The following KALRN variants were observed in gnomAD, a reference collection of about 807,000 sequenced individuals.
KALRN encodes the protein kalirin RhoGEF kinase.
A neutral mutation model predicts 353.7 loss-of-function variants in KALRN; 70 were observed. The ratio of observed to expected loss-of-function variants is 0.20; its 90% CI spans 0.16 to 0.24. The LOEUF is 0.24. Ranked by LOEUF, KALRN falls within the 10% of genes least tolerant of loss-of-function variation. The pLI is 1.00. For synonymous variants in KALRN, 1,391 were observed against 1,434.8 expected, an observed-to-expected ratio of 0.97 and a Z score of 0.69; for missense variants, 2,791 against 3,756.7, an observed-to-expected ratio of 0.74 and a Z score of 6.72.
Position 124,511,877 on chromosome 3 carries a change from C to T in KALRN, c.4935+15464C>T, listed in dbSNP as rs116520869. On this transcript the variant is annotated intron_variant, in intron 33 of 59. Transcript: ENST00000682506. ...TTAGAGTGATTACTGGAATCCCATC[C>T]CTCAGCATTTTGTGAGACTGTATCT... Among the ~76,000 whole-genome samples, 963 of 152,260 alleles carry T rather than the reference C, an allele frequency of 6.3e-3. 7 individuals are homozygous for T. The highest frequency in any genetic ancestry group is 0.021 in the African/African-American group (892 of 41,548).
At chr3:124,390,872 C>T (rs1476297701) in intron 11 of KALRN, among the ~76,000 whole-genome samples, 2 of 152,084 alleles carry the variant, frequency 1.3e-5, no homozygotes, top group South Asian at 2.1e-4. Flanking sequence ...CTCCTTCCTT[C>T]CTGTCTTTTT....
At chr3:124,408,276 G>A (rs555149142) in intron 13 of KALRN, among the ~76,000 whole-genome samples, 84 of 152,188 alleles carry the variant, frequency 5.5e-4, no homozygotes, top group African/African-American at 2.0e-3. Context: ...TTTTGTTTTT[G>A]TTTTAGAAGA....
intron 1 of KALRN, among the ~76,000 whole-genome samples, chr3:124,065,272 A>G (rs1023052225): frequency 6.6e-6 from 1 of 152,184 alleles, no homozygotes; most frequent in Non-Finnish European, 1.5e-5. Flanking sequence ...CACTGCAACA[A>G]TTTTAGCAAG....
intron 10 of KALRN, among the ~76,000 whole-genome samples, chr3:124,349,544 T>C (rs1482902307): frequency 6.6e-6 from 1 of 152,144 alleles, no homozygotes; most frequent in African/African-American, 2.4e-5. Context: ...AGCCAAAAGA[T>C]TGGACACCCC....
At chr3:124,678,681 A>C in intron 50 of KALRN, 1 of 170,976 alleles carries the variant, frequency 5.8e-6, no homozygotes, top group Non-Finnish European at 1.3e-5. Context: ...GGGTAAAGCA[A>C]TTAGGGATGC....
chr3:124,664,873 A>G (rs1052905524), intron 45 of KALRN, among the ~76,000 whole-genome samples: 3 of 152,156 alleles, frequency 2.0e-5, no homozygotes, highest in Non-Finnish European at 4.4e-5. Context: ...CCTCTTTTAA[A>G]TTCCTCCCCA....
At chr3:124,238,427 A>T (rs544263900) in intron 3 of KALRN, among the ~76,000 whole-genome samples, 13 of 152,158 alleles carry the variant, frequency 8.5e-5, no homozygotes, top group Non-Finnish European at 1.6e-4. Context: ...TGGAGACCAG[A>T]TGACCCTCTG....
chr3:124,598,142 C>G (rs2076440834), intron 34 of KALRN, among the ~76,000 whole-genome samples: 1 of 152,220 alleles, frequency 6.6e-6, no homozygotes, highest in South Asian at 2.1e-4. Flanking sequence ...CCACTTGTTT[C>G]TGGTATTTAC....
chr3:124,639,595 G>A (rs1204313243), intron 37 of KALRN, among the ~76,000 whole-genome samples: 3 of 152,068 alleles, frequency 2.0e-5, no homozygotes, highest in Admixed American at 6.5e-5. Context: ...TTGTGTGATC[G>A]ATGGTGTTAA....
intron 33 of KALRN, among the ~76,000 whole-genome samples, chr3:124,521,934 C>T (rs1236738165): frequency 6.6e-6 from 1 of 152,114 alleles, no homozygotes; most frequent in Non-Finnish European, 1.5e-5. Context: ...GCTAGGGACA[C>T]AGCAGTGAAC....
intron 10 of KALRN, among the ~76,000 whole-genome samples, chr3:124,368,233 C>A (rs1382392294): frequency 7.3e-6 from 1 of 137,500 alleles, no homozygotes; most frequent in Admixed American, 7.0e-5. Flanking sequence ...GCTGGCCAGG[C>A]GGGGGGCTGA....
At chr3:124,124,136 G>A (rs1218338717) in intron 1 of KALRN, among the ~76,000 whole-genome samples, 1 of 152,194 alleles carries the variant, frequency 6.6e-6, no homozygotes, top group Non-Finnish European at 1.5e-5. Flanking sequence ...GAAAACCTGA[G>A]AAGGATTCAT....
chr3:124,475,145 C>G (rs762729880), intron 26 of KALRN, among the ~76,000 whole-genome samples: 1 of 152,158 alleles, frequency 6.6e-6, no homozygotes, highest in Non-Finnish European at 1.5e-5. Context: ...TATTTTGATA[C>G]AGGCATGCAG....
intron 33 of KALRN, among the ~76,000 whole-genome samples, chr3:124,513,995 T>G (rs1224436060): frequency 6.6e-6 from 1 of 152,196 alleles, no homozygotes; most frequent in Non-Finnish European, 1.5e-5. Flanking sequence ...CAGAGTAGGA[T>G]GCATGATAAA....
chr3:124,533,734 T>C (rs1478048478), intron 33 of KALRN, among the ~76,000 whole-genome samples: 2 of 152,168 alleles, frequency 1.3e-5, no homozygotes, highest in Non-Finnish European at 2.9e-5. Context: ...GCAAGCACAT[T>C]AAGGACACTG....
chr3:124,102,954 A>G (rs1361909086), intron 1 of KALRN, among the ~76,000 whole-genome samples: 1 of 152,200 alleles, frequency 6.6e-6, no homozygotes, highest in Non-Finnish European at 1.5e-5. Context: ...CCCGTTTCAC[A>G]GATAGGAAAC....
At chr3:124,705,082 A>G (rs1178718548) in intron 57 of KALRN, among the ~76,000 whole-genome samples, 3 of 152,200 alleles carry the variant, frequency 2.0e-5, no homozygotes, top group African/African-American at 7.2e-5. Context: ...GGCGTGTTTA[A>G]CCAGGAATGA....
chr3:124,693,896 C>G, intron 52 of KALRN, 65 bp downstream of exon 52: 1 of 1,100,068 alleles, frequency 9.1e-7, no homozygotes, highest in South Asian at 1.4e-5. Context: ...GTTAATCCAG[C>G]ACTAAAGCAC....
chr3:124,651,038 T>C (rs1299555238), intron 38 of KALRN, 100 bp downstream of exon 38: 4 of 1,382,558 alleles, frequency 2.9e-6, no homozygotes, highest in Non-Finnish European at 4.0e-6. Context: ...CCACGCTGTT[T>C]CCACTGACAT....
Sources: allele counts gnomAD v4.1 joint callset (sites outside exome capture counted in the v4.1 genomes callset), GRCh38; gene constraint gnomAD v4.1.1; transcripts MANE v1.5; gene names NCBI Gene and HGNC (gene_info 2026-07-23, HGNC 2026-07-21).